MYO7B: variants seen among roughly 807,000 people sequenced by gnomAD.
MYO7B encodes the protein unconventional myosin-VIIb.
A neutral mutation model predicts 259.7 loss-of-function variants in MYO7B; 212 were observed. The observed-to-expected ratio is 0.82, with a 90% confidence interval of 0.73 to 0.91. The LOEUF is 0.91. Ranked by LOEUF, MYO7B falls within the 40% of genes least tolerant of loss-of-function variation. The pLI is 0.00. For synonymous variants in MYO7B, 1,197 were observed against 1,166.4 expected (o/e 1.03, Z -0.54); for missense variants, 2,732 against 2,813.5 (o/e 0.97, Z 0.66).
chr2:127,632,168 C>T lies in MYO7B; in HGVS notation c.5250-78C>T, dbSNP rs993758569. 48 of 1,493,818 alleles carry T rather than the reference C, an allele frequency of 3.2e-5. No homozygotes were observed. The Admixed American group carries it at 4.2e-4, about 13-fold the overall frequency. The allele number at this position is 1,493,818 out of a possible 1,614,324, so 92.5% of individuals were successfully genotyped here. A position where few individuals can be genotyped will look rare whatever the true frequency, so the allele number is the denominator to read the frequency against. On this transcript the variant is annotated intron_variant, in intron 38 of 47. Coordinates refer to ENST00000409816, the MANE Select transcript of MYO7B (RefSeq NM_001393586.1). Reference sequence around the variant, plus strand: ...CTAGACCCCAGGCAGCTCTCACATCCGTCCCTGCTCCCCAAGGTGCCTGCC... The same window carrying T: ...CTAGACCCCAGGCAGCTCTCACATCTGTCCCTGCTCCCCAAGGTGCCTGCC...
Position 127,582,350 on chromosome 2 carries a change from C to G in MYO7B, c.1247C>G (p.Ala416Gly), listed in dbSNP as rs1458625993. 1.2e-6 allele frequency: 2 copies of G among 1,613,122 alleles called. No homozygotes were observed. The highest frequency in any genetic ancestry group is 1.3e-5 in the African/African-American group (1 of 74,916). The change falls in exon 12 of 48, where the codon GCC (alanine) becomes GGC (glycine). Residue 416 changes from alanine to glycine, a missense_variant. By Grantham distance (60) the Ala-to-Gly change is moderately conservative. Around this residue, in one of 3 missense-constraint regions of MYO7B, gnomAD observed 1,906 missense variants for 2,026.4 expected, o/e 0.94. Coordinates refer to ENST00000409816, the MANE Select transcript of MYO7B (RefSeq NM_001393586.1). Reference sequence around the variant, plus strand: ...CTGTGGATTGTCAAGAAGATCAATGCCGCCATCTTCACACCACCAGCCCAG... The same window carrying G: ...CTGTGGATTGTCAAGAAGATCAATGGCGCCATCTTCACACCACCAGCCCAG... The part of the protein sequence containing the change: ...LFLWIVKKIN[A>G]AIFTPPAQDP...
At chr2:127,633,962 G>T (rs531813155) in intron 40 of MYO7B, among the ~76,000 whole-genome samples, 1 of 152,344 alleles carries the variant, frequency 6.6e-6, no homozygotes, top group Admixed American at 6.5e-5. Context: ...GAGTCAAAAG[G>T]CCAGGCCTGC....
rs1406010586 is a variant in MYO7B, at chr2:127,627,802, C to T, written c.4460+492C>T. On this transcript the variant is annotated intron_variant, in intron 33 of 47. Transcript: ENST00000409816. The surrounding 1 kb of genome is among the most constrained non-coding windows in gnomAD (Gnocchi z 5.6). Reference sequence around the variant, plus strand: ...CATTGACTGGGAACTTTTCCATGCCCTTTGGGAAGTCCCACCCAAGCCCTG... The same window carrying T: ...CATTGACTGGGAACTTTTCCATGCCTTTTGGGAAGTCCCACCCAAGCCCTG... 1 of 457,748 alleles carries T rather than the reference C, an allele frequency of 2.2e-6. No individual in the cohort carries two copies. Among genetic ancestry groups the T allele is most frequent in the Non-Finnish European group, 4.4e-6 (1 of 227,770 alleles). 28.4% of individuals were successfully genotyped at this position (457,748 alleles called of 1,614,324 possible). A position where few individuals can be genotyped will look rare whatever the true frequency, so the allele number is the denominator to read the frequency against.
At position 127,569,855 on chromosome 2, in the gene MYO7B, T is replaced by G; in HGVS notation, c.537T>G (p.Ser179Arg). 6.2e-7 allele frequency: 1 copy of G among 1,613,500 alleles called. No homozygotes were observed. The change falls in exon 6 of 48, where the codon AGT (serine) becomes AGG (arginine). Residue 179 changes from serine to arginine, a missense_variant. Coordinates refer to ENST00000409816, the MANE Select transcript of MYO7B (RefSeq NM_001393586.1). Reference sequence around the variant, plus strand: ...TCCTGCAGTTCCTGGCCACCATCAGTGGCCAGCATTCGTGGATTGAGCAGC... The same window carrying G: ...TCCTGCAGTTCCTGGCCACCATCAGGGGCCAGCATTCGTGGATTGAGCAGC... ...KLILQFLATISGQHSWIEQQV... is the reference protein window; with the variant it reads ...KLILQFLATIRGQHSWIEQQV...
rs1418641834 is a variant in MYO7B at position 127,585,543 on chromosome 2, T to C, written c.1690+630T>C. On this transcript the variant is annotated intron_variant, in intron 14 of 47. Coordinates refer to ENST00000409816, the MANE Select transcript of MYO7B (RefSeq NM_001393586.1). This position sits in a 1 kb window ranked among gnomAD's most constrained non-coding sequence, Gnocchi z 4.3. ...TGAATAACACAGCTATGAACACCCA[T>C]GTACAAGTGTTTGTGTGGGCATATG... 2.0e-5 allele frequency among the ~76,000 whole-genome samples: 3 copies of C among 152,234 alleles called. No individual in the cohort carries two copies. Among genetic ancestry groups the C allele is most frequent in the Non-Finnish European group, 4.4e-5 (3 of 68,040 alleles).
At position 127,577,182 on chromosome 2, in the gene MYO7B, C is replaced by T. The variant is rs1480492825; in HGVS notation, c.849+474C>T. ...AGCCATCGCTCATTAGCTGAGGCTC[C>T]CTGGCCCTCAGGAGAACTGCGCCTC... is the stretch of plus-strand genomic sequence containing the variant. On this transcript the variant is annotated intron_variant, in intron 8 of 47. Coordinates refer to ENST00000409816, the MANE Select transcript of MYO7B (RefSeq NM_001393586.1). This position sits in a 1 kb window ranked among gnomAD's most constrained non-coding sequence, Gnocchi z 5.2. Among the ~76,000 whole-genome samples the T allele has an allele frequency of 1.3e-5, 2 of 152,168 alleles. No individual in the cohort carries two copies. The highest frequency in any genetic ancestry group is 2.9e-5 in the Non-Finnish European group (2 of 68,020).
At chr2:127,587,145 G>A (rs142669837) in intron 14 of MYO7B, among the ~76,000 whole-genome samples, 9 of 152,264 alleles carry the variant, frequency 5.9e-5, no homozygotes, top group Non-Finnish European at 7.4e-5. Flanking sequence ...AGTCAGGGTC[G>A]TGCCCTTGGG....
In MYO7B at chr2:127,559,871, G is replaced by A. The variant is rs1677998254; in HGVS notation, c.18+131G>A. ...AAATACCAGAGACAGGGGAGTTTAG[G>A]AAACACGACAGATTCTAGCATCTAA... On this transcript the variant is annotated intron_variant, in intron 2 of 47. Coordinates refer to ENST00000409816, the MANE Select transcript of MYO7B (RefSeq NM_001393586.1). This position sits in a 1 kb window ranked among gnomAD's most constrained non-coding sequence, Gnocchi z 4.1. The A allele has an allele frequency of 1.9e-6, 2 of 1,079,096 alleles. No homozygotes were observed. Among genetic ancestry groups the A allele is most frequent in the Admixed American group, 1.8e-5 (1 of 55,576 alleles). 66.8% of individuals were successfully genotyped at this position (1,079,096 alleles called of 1,614,324 possible). A position where few individuals can be genotyped will look rare whatever the true frequency, so the allele number is the denominator to read the frequency against.
At chr2:127,541,593 A>G (rs781744086) in intron 1 of MYO7B, among the ~76,000 whole-genome samples, 36 of 152,224 alleles carry the variant, frequency 2.4e-4, no homozygotes, top group Non-Finnish European at 1.5e-4. Flanking sequence ...ACACTTGCCC[A>G]TACCTACACG....
At position 127,630,715 on chromosome 2, in the gene MYO7B, G is replaced by A. The variant is rs1393189927; in HGVS notation, c.4807-63G>A. ...CACTGAGGCTGCCAGGCCGGGAGGA[G>A]CCTGCAGGAAGGGCCTCATGGGCGG... On this transcript the variant is annotated intron_variant, in intron 35 of 47. Coordinates refer to ENST00000409816, the MANE Select transcript of MYO7B (RefSeq NM_001393586.1). 2.5e-6 allele frequency: 4 copies of A among 1,596,272 alleles called. No homozygotes were observed. The East Asian group carries it at 6.7e-5, about 27-fold the overall frequency.
At chr2:127,552,534 G>A (rs1188484582) in intron 1 of MYO7B, among the ~76,000 whole-genome samples, 1 of 152,210 alleles carries the variant, frequency 6.6e-6, no homozygotes, top group East Asian at 1.9e-4. Context: ...GGGCCCCTAG[G>A]GCTGGGGGTC....
Position 127,568,882 on chromosome 2 carries a change from A to G in MYO7B, c.471-907A>G, listed in dbSNP as rs957110711. On this transcript the variant is annotated intron_variant, in intron 5 of 47. Transcript: ENST00000409816. The stretch of plus-strand genomic sequence containing the variant: ...CATTGCACTCCAGCCCAGGCCAACA[A>G]CAGCAAGACTCCGTCTCAAAAAAAA... Among the ~76,000 whole-genome samples, 20 of 150,800 alleles carry G rather than the reference A, an allele frequency of 1.3e-4. 1 individual carries two copies. The highest frequency in any genetic ancestry group is 4.9e-4 in the African/African-American group (20 of 40,838).
At chr2:127,601,499 C>A (rs1409767163) in intron 19 of MYO7B, among the ~76,000 whole-genome samples, 1 of 152,014 alleles carries the variant, frequency 6.6e-6, no homozygotes, top group Non-Finnish European at 1.5e-5. Context: ...GTTTGGTGAA[C>A]ACACAGTTAG....
At chr2:127,553,012 C>T (rs1479217114) in intron 1 of MYO7B, among the ~76,000 whole-genome samples, 1 of 152,214 alleles carries the variant, frequency 6.6e-6, no homozygotes, top group South Asian at 2.1e-4. Flanking sequence ...AGTTTTCTCA[C>T]CTGTAAAACA....
chr2:127,630,993 C>T lies in MYO7B; in HGVS notation c.4937+85C>T, dbSNP rs1323616055. The T allele has an allele frequency of 3.5e-6, 5 of 1,438,504 alleles. No homozygotes were observed. In the African/African-American group the frequency reaches 4.2e-5, roughly 12 times the overall value. The allele number at this position is 1,438,504 out of a possible 1,614,324, so 89.1% of individuals were successfully genotyped here. On this transcript the variant is annotated intron_variant, in intron 36 of 47. Transcript: ENST00000409816. ...ATTGCACCCCCTGCTCCCAGCCCCGCTCCACCTCATTGCACCCACTGAGAG... is the reference window on the plus strand; with the variant it reads ...ATTGCACCCCCTGCTCCCAGCCCCGTTCCACCTCATTGCACCCACTGAGAG...
intron 31 of MYO7B, 33 bp downstream of exon 31, chr2:127,625,568 AG>A (rs758094034): frequency 6.5e-7 from 1 of 1,550,194 alleles, no homozygotes; most frequent in Admixed American, 1.9e-5. Flanking sequence ...CACCCACCCG[AG>A]GGCTCTCCTT....
At chr2:127,540,311 C>T (rs539919153) in intron 1 of MYO7B, among the ~76,000 whole-genome samples, 1 of 152,082 alleles carries the variant, frequency 6.6e-6, no homozygotes, top group South Asian at 2.1e-4. Context: ...TTATAGATGC[C>T]CGCCACCACA....
chr2:127,636,204 C>T lies in MYO7B; in HGVS notation c.6007-4C>T. On this transcript the variant is annotated splice_polypyrimidine_tract_variant and splice_region_variant and intron_variant, in intron 44 of 47. Transcript: ENST00000409816. The surrounding 1 kb of genome is among the most constrained non-coding windows in gnomAD (Gnocchi z 4.5). Reference sequence around the variant, plus strand: ...AAGTCCTTACTGGCCCTCCTGTCCCCCAGAGCATCCTTCTAGCCTATGACA... The same window carrying T: ...AAGTCCTTACTGGCCCTCCTGTCCCTCAGAGCATCCTTCTAGCCTATGACA... 1 of 1,609,944 alleles carries T rather than the reference C, an allele frequency of 6.2e-7. No homozygotes were observed. The highest frequency in any genetic ancestry group is 8.5e-7 in the Non-Finnish European group (1 of 1,177,176).
rs1459869994 is a variant in MYO7B, at chr2:127,569,829, A to G, written c.511A>G (p.Ile171Val). The G allele has an allele frequency of 1.2e-6, 2 of 1,612,588 alleles. No individual in the cohort carries two copies. Among genetic ancestry groups the G allele is most frequent in the Non-Finnish European group, 1.7e-6 (2 of 1,178,960 alleles). ...GAGKTETTKL[I>V]LQFLATISGQ... The stretch of plus-strand genomic sequence containing the variant: ...TGGCAAGACGGAGACCACCAAGCTC[A>G]TCCTGCAGTTCCTGGCCACCATCAG... Residue 171 changes from isoleucine (I) to valine (V), a missense_variant, in exon 6 of 48, where the codon ATC becomes GTC. Ile to Val is a conservative substitution (Grantham distance 29). Coordinates refer to ENST00000409816, the MANE Select transcript of MYO7B (RefSeq NM_001393586.1).
Sources: gnomAD v4.1 joint callset for allele counts (sites outside exome capture counted in the v4.1 genomes callset) on GRCh38, gnomAD v4.1.1 for gene constraint, gnomAD v4.1.1 regional missense constraint, Gnocchi (gnomAD v3.1) non-coding constraint, MANE v1.5 for transcripts, NCBI Gene and HGNC (gene_info 2026-07-23, HGNC 2026-07-21) for gene names.